GALNTL6: variants seen among roughly 807,000 people sequenced by gnomAD.
GALNTL6 encodes polypeptide N-acetylgalactosaminyltransferase-like 6.
Under a neutral mutation model 73.7 loss-of-function variants are expected in GALNTL6, and 46 were observed. That is an observed-to-expected ratio of 0.62 (90% CI 0.49 to 0.80). The LOEUF (loss-of-function observed/expected upper bound fraction) is 0.80. Among genes scored for constraint, GALNTL6 ranks in the 30% least tolerant of loss-of-function variants. GALNTL6 has a pLI of 0.00. For missense variants in GALNTL6, 604 were observed against 755.0 expected, an observed-to-expected ratio of 0.80 and a Z score of 2.34; for synonymous variants, 259 against 263.7, an observed-to-expected ratio of 0.98 and a Z score of 0.17.
chr4:172,674,561 C>T (rs1732171278), intron 5 of GALNTL6, among the ~76,000 whole-genome samples: 2 of 152,092 alleles, frequency 1.3e-5, no homozygotes, highest in Admixed American at 1.3e-4. Context: ...AATATGTTTT[C>T]CAAGTTGGTT....
chr4:172,580,744 G>C (rs1046283369), intron 5 of GALNTL6, among the ~76,000 whole-genome samples: 1 of 152,128 alleles, frequency 6.6e-6, no homozygotes, highest in Non-Finnish European at 1.5e-5. Context: ...TTATTTAACT[G>C]TAGGATTTTT....
chr4:172,197,626 A>G (rs1200361429), intron 2 of GALNTL6, among the ~76,000 whole-genome samples: 3 of 151,782 alleles, frequency 2.0e-5, no homozygotes, highest in East Asian at 1.9e-4. Flanking sequence ...GCAGTCAGAA[A>G]TAAGATTGCA....
rs114803383 is a variant in GALNTL6 at position 171,919,267 on chromosome 4, C to T, written c.138+104549C>T. Among the ~76,000 whole-genome samples the T allele has an allele frequency of 3.1e-3, 465 of 152,044 alleles. 3 individuals are homozygous for T. Among genetic ancestry groups the T allele is most frequent in the African/African-American group, 0.011 (440 of 41,474 alleles). ...AAATGAGATAAAGATAGCCAATTAGCAGCTCCTGGTTTAGAGACATAAAAC... is the reference window on the plus strand; with the variant it reads ...AAATGAGATAAAGATAGCCAATTAGTAGCTCCTGGTTTAGAGACATAAAAC... On this transcript the variant is annotated intron_variant, in intron 2 of 12. Coordinates refer to ENST00000506823, the MANE Select transcript of GALNTL6 (RefSeq NM_001034845.3).
chr4:172,492,703 T>C (rs1026673013), intron 5 of GALNTL6, among the ~76,000 whole-genome samples: 1 of 152,182 alleles, frequency 6.6e-6, no homozygotes, highest in Admixed American at 6.6e-5. Flanking sequence ...TATGATTCAG[T>C]TTCCCTAATT....
chr4:172,114,205 T>C (rs1022704741), intron 2 of GALNTL6, among the ~76,000 whole-genome samples: 1 of 152,064 alleles, frequency 6.6e-6, no homozygotes, highest in Non-Finnish European at 1.5e-5. Context: ...CTTTGACTAA[T>C]AAGCTTGTTT....
chr4:172,516,869 G>A (rs1734625889), intron 5 of GALNTL6, among the ~76,000 whole-genome samples: 1 of 152,100 alleles, frequency 6.6e-6, no homozygotes. Flanking sequence ...AGGAAATTCT[G>A]TCGTCTACTA....
chr4:172,645,186 G>T (rs28463379), intron 5 of GALNTL6, among the ~76,000 whole-genome samples: 88 of 151,688 alleles, frequency 5.8e-4, no homozygotes, highest in African/African-American at 2.1e-3. Context: ...ATAAATAGAA[G>T]ATAATAAATT....
chr4:173,024,675 G>A (rs1753160806), intron 12 of GALNTL6, among the ~76,000 whole-genome samples: 1 of 152,132 alleles, frequency 6.6e-6, no homozygotes, highest in African/African-American at 2.4e-5. Context: ...TCCTTTCCCA[G>A]GTTCAGGCGA....
chr4:172,115,906 A>C (rs1271865715), intron 2 of GALNTL6, among the ~76,000 whole-genome samples: 1 of 152,084 alleles, frequency 6.6e-6, no homozygotes, highest in Non-Finnish European at 1.5e-5. Context: ...GCTTTAAAGC[A>C]ATGCCAAATA....
At chr4:172,641,523 A>G (rs940410305) in intron 5 of GALNTL6, among the ~76,000 whole-genome samples, 6 of 151,962 alleles carry the variant, frequency 3.9e-5, no homozygotes, top group African/African-American at 1.4e-4. Flanking sequence ...CTACTCGATC[A>G]TTCTTCTGGA....
intron 10 of GALNTL6, among the ~76,000 whole-genome samples, chr4:172,962,012 G>A (rs1023453280): frequency 2.0e-5 from 3 of 152,222 alleles, no homozygotes; most frequent in African/African-American, 7.2e-5. Context: ...AGCAAAGGGA[G>A]ATGGGGTGGT....
intron 5 of GALNTL6, among the ~76,000 whole-genome samples, chr4:172,613,228 G>T (rs1488590528): frequency 2.0e-5 from 3 of 152,070 alleles, no homozygotes; most frequent in African/African-American, 7.2e-5. Context: ...AAATGTCCAA[G>T]ACAGATAATT....
chr4:172,911,373 C>G (rs533304637), intron 8 of GALNTL6, among the ~76,000 whole-genome samples: 6 of 152,170 alleles, frequency 3.9e-5, no homozygotes, highest in Non-Finnish European at 8.8e-5. Flanking sequence ...CTTCTCATTG[C>G]TTTTATGAGA....
intron 5 of GALNTL6, among the ~76,000 whole-genome samples, chr4:172,541,956 G>A (rs1353660193): frequency 1.3e-5 from 2 of 151,942 alleles, no homozygotes; most frequent in Non-Finnish European, 2.9e-5. Flanking sequence ...CCCTGGCTCT[G>A]GCTGGGACCA....
At chr4:171,897,478 G>T (rs996057869) in intron 2 of GALNTL6, among the ~76,000 whole-genome samples, 5 of 152,034 alleles carry the variant, frequency 3.3e-5, no homozygotes, top group Admixed American at 2.0e-4. Context: ...ATGGTTAAAT[G>T]GACTTTATCC....
intron 2 of GALNTL6, among the ~76,000 whole-genome samples, chr4:172,107,579 A>G (rs942139661): frequency 4.6e-5 from 7 of 150,926 alleles, no homozygotes; most frequent in Non-Finnish European, 7.4e-5. Flanking sequence ...TGCAAGGACA[A>G]AAAACCAAAC....
intron 8 of GALNTL6, among the ~76,000 whole-genome samples, chr4:172,905,812 C>CAAAAAAAAAAAAAAAA (rs397996287): frequency 1.9e-4 from 13 of 69,678 alleles, no homozygotes; most frequent in African/African-American, 4.8e-4. Context: ...AGAGATCACT[C>CAAAAAAAAAAAAAAAA]AAAAAAAAAA....
intron 2 of GALNTL6, among the ~76,000 whole-genome samples, chr4:171,998,734 G>A (rs1487831189): frequency 2.0e-5 from 3 of 152,166 alleles, no homozygotes; most frequent in Non-Finnish European, 2.9e-5. Flanking sequence ...TTAACCACAA[G>A]TTAGAAAAAC....
At chr4:172,332,520 C>T (rs920844691) in intron 4 of GALNTL6, among the ~76,000 whole-genome samples, 3 of 120,318 alleles carry the variant, frequency 2.5e-5, no homozygotes, top group Non-Finnish European at 3.9e-5. Flanking sequence ...TCCATCCGAT[C>T]AAGTTTTTTT....
Sources: allele counts gnomAD v4.1 joint callset (sites outside exome capture counted in the v4.1 genomes callset), GRCh38; gene constraint gnomAD v4.1.1; transcripts MANE v1.5; gene names NCBI Gene and HGNC (gene_info 2026-07-23, HGNC 2026-07-21).